FAM53B: variants seen among roughly 807,000 people sequenced by gnomAD.
FAM53B encodes the protein protein FAM53B.
FAM53B carries 12 observed loss-of-function variants against 32.7 expected under a neutral mutation model. That is an observed-to-expected ratio of 0.37 (90% confidence interval 0.24 to 0.59). The LOEUF (loss-of-function observed/expected upper bound fraction) is 0.59. Ranked by LOEUF, FAM53B falls within the 20% of genes least tolerant of loss-of-function variation. The probability of loss-of-function intolerance (pLI) is 0.72; values close to 1 mark genes in which losing one functional copy is unlikely to be tolerated. For missense variants in FAM53B, 477 were observed against 577.7 expected, an observed-to-expected ratio of 0.83 and a Z score of 1.79; for synonymous variants, 234 against 228.7, an observed-to-expected ratio of 1.02 and a Z score of -0.21.
chr10:124,719,610 T>C (rs979398540), intron 1 of FAM53B, among the ~76,000 whole-genome samples: 3 of 152,202 alleles, frequency 2.0e-5, no homozygotes, highest in Non-Finnish European at 4.4e-5. Flanking sequence ...GACTGCCAAG[T>C]ACACCAGCTG....
At chr10:124,668,112 C>T (rs1306656831) in intron 4 of FAM53B, among the ~76,000 whole-genome samples, 5 of 152,218 alleles carry the variant, frequency 3.3e-5, no homozygotes, top group African/African-American at 1.2e-4. Context: ...CATATTTGTT[C>T]GTAGTTTTCC....
At chr10:124,706,266 T>C (rs1180649761) in intron 2 of FAM53B, among the ~76,000 whole-genome samples, 1 of 152,144 alleles carries the variant, frequency 6.6e-6, no homozygotes, top group Non-Finnish European at 1.5e-5. Context: ...GGGACAGGCT[T>C]ATCTGGGCCT....
At position 124,624,704 on chromosome 10, in the gene FAM53B, C is replaced by T. The variant is rs913358024; in HGVS notation, c.907-1100G>A. On this transcript the variant is annotated intron_variant, in intron 4 of 4. Transcript: ENST00000337318. ...GGGTACGCAGGCCAGTTCTGCTTGG[C>T]GTCAGCTGCCAGCGATGGGGGTAGG... Among the ~76,000 whole-genome samples, 8 of 150,958 alleles carry T rather than the reference C, an allele frequency of 5.3e-5. No individual in the cohort carries two copies. The South Asian group carries it at 6.2e-4, about 12-fold the overall frequency.
chr10:124,659,017 C>G (rs1173102043), intron 4 of FAM53B, among the ~76,000 whole-genome samples: 1 of 152,212 alleles, frequency 6.6e-6, no homozygotes, highest in Non-Finnish European at 1.5e-5. Flanking sequence ...GTGGTGGTAA[C>G]CTGGCATGAC....
At chr10:124,628,815 C>T (rs1045948967) in intron 4 of FAM53B, among the ~76,000 whole-genome samples, 5 of 152,328 alleles carry the variant, frequency 3.3e-5, no homozygotes, top group African/African-American at 9.6e-5. Context: ...TCCTCTTGGG[C>T]GGGATCAAGT....
At chr10:124,725,570 C>T (rs533553709) in intron 1 of FAM53B, among the ~76,000 whole-genome samples, 2 of 152,290 alleles carry the variant, frequency 1.3e-5, no homozygotes, top group East Asian at 1.9e-4. Flanking sequence ...GACCCAAATG[C>T]GGCCTGTCTT....
At chr10:124,688,922 T>C (rs1949817399) in intron 3 of FAM53B, among the ~76,000 whole-genome samples, 1 of 152,214 alleles carries the variant, frequency 6.6e-6, no homozygotes. Flanking sequence ...CTCTGTGCTA[T>C]GTTTTCGATG....
rs1949482682 is a variant in FAM53B at position 124,642,419 on chromosome 10, ACT to A, written c.907-18817_907-18816del. Among the ~76,000 whole-genome samples, 2 of 152,096 alleles carry A rather than the reference ACT, an allele frequency of 1.3e-5. 1 individual carries two copies. The highest frequency in any genetic ancestry group is 2.9e-5 in the Non-Finnish European group (2 of 68,020). On this transcript the variant is annotated intron_variant, in intron 4 of 4. Coordinates refer to ENST00000337318, the MANE Select transcript of FAM53B (RefSeq NM_014661.4). ...CAAGGGTGGGGCAGTGAAGGCAGTG[ACT>A]CTACCAAAACAGAAGGGCAGCCCGG... is the stretch of plus-strand genomic sequence containing the variant.
intron 2 of FAM53B, among the ~76,000 whole-genome samples, chr10:124,699,841 C>A (rs1209538065): frequency 1.3e-5 from 2 of 152,220 alleles, no homozygotes; most frequent in African/African-American, 4.8e-5. Flanking sequence ...CTCAGCCTGC[C>A]CGTGAGCACC....
chr10:124,687,509 C>G (rs563673045), intron 3 of FAM53B, among the ~76,000 whole-genome samples: 27 of 152,282 alleles, frequency 1.8e-4, no homozygotes, highest in African/African-American at 6.3e-4. Flanking sequence ...TCAAAAACAG[C>G]AGTCATCATA....
chr10:124,645,131 G>A (rs935955078), intron 4 of FAM53B, among the ~76,000 whole-genome samples: 5 of 152,192 alleles, frequency 3.3e-5, no homozygotes, highest in Non-Finnish European at 7.3e-5. Flanking sequence ...GGAGCTGGCT[G>A]GAGCCCTCGG....
In FAM53B at chr10:124,682,440, T is replaced by G. The variant is rs555769883; in HGVS notation, c.134-61A>C. ...AGAAGACCTTCACTCCAGCCCTTTA[T>G]TATCTCCACACCAACAGCCCGTTTC... On this transcript the variant is annotated intron_variant, in intron 3 of 4. Transcript: ENST00000337318. The surrounding 1 kb of genome is among the most constrained non-coding windows in gnomAD (Gnocchi z 5.2). 3.5e-6 allele frequency: 5 copies of G among 1,428,634 alleles called. No individual in the cohort carries two copies. The highest frequency in any genetic ancestry group is 4.6e-5 in the East Asian group (2 of 43,308). The allele number at this position is 1,428,634 out of a possible 1,614,324, so 88.5% of individuals were successfully genotyped here.
intron 4 of FAM53B, among the ~76,000 whole-genome samples, chr10:124,639,450 G>A (rs374079027): frequency 2.0e-5 from 3 of 152,178 alleles, no homozygotes; most frequent in African/African-American, 4.8e-5. Flanking sequence ...GGCCTTGGGC[G>A]GGTCATGGTG....
At chr10:124,684,505 A>T (rs1949791134) in intron 3 of FAM53B, among the ~76,000 whole-genome samples, 1 of 152,156 alleles carries the variant, frequency 6.6e-6, no homozygotes, top group Non-Finnish European at 1.5e-5. Flanking sequence ...AAAGTCCAAT[A>T]AACTAATATA....
chr10:124,736,045 C>T (rs1950171478), intron 1 of FAM53B, among the ~76,000 whole-genome samples: 3 of 152,244 alleles, frequency 2.0e-5, no homozygotes, highest in South Asian at 2.1e-4. Context: ...GGCATGCAGC[C>T]GACCATGGGC....
intron 4 of FAM53B, among the ~76,000 whole-genome samples, chr10:124,637,788 T>C: frequency 6.6e-6 from 1 of 152,124 alleles, no homozygotes; most frequent in East Asian, 1.9e-4. Flanking sequence ...TAGGCCAGGA[T>C]CGCCCGCTTC....
chr10:124,691,776 C>T (rs2134074768), intron 3 of FAM53B, among the ~76,000 whole-genome samples: 1 of 152,316 alleles, frequency 6.6e-6, no homozygotes, highest in Non-Finnish European at 1.5e-5. Flanking sequence ...CACGTGTGAC[C>T]CTGGGTCCCC....
intron 1 of FAM53B, among the ~76,000 whole-genome samples, chr10:124,726,354 G>A (rs889158570): frequency 6.6e-6 from 1 of 152,154 alleles, no homozygotes; most frequent in African/African-American, 2.4e-5. Context: ...TGGCCTTCAG[G>A]AGCTCCAACA....
chr10:124,713,050 C>T (rs1187682912), intron 1 of FAM53B, among the ~76,000 whole-genome samples: 1 of 152,194 alleles, frequency 6.6e-6, no homozygotes, highest in Non-Finnish European at 1.5e-5. Flanking sequence ...GTCAGCAAGA[C>T]GCCCCATGCC....
Sources: allele counts gnomAD v4.1 joint callset (sites outside exome capture counted in the v4.1 genomes callset), GRCh38; gene constraint gnomAD v4.1.1; non-coding constraint Gnocchi (gnomAD v3.1); transcripts MANE v1.5; gene names NCBI Gene and HGNC (gene_info 2026-07-23, HGNC 2026-07-21).